DRGX: variants seen among roughly 807,000 people sequenced by gnomAD.
DRGX encodes dorsal root ganglia homeobox protein.
A neutral mutation model predicts 28.6 loss-of-function variants in DRGX; 21 were observed. That is an observed-to-expected ratio of 0.73 (90% CI 0.52 to 1.06). DRGX has a LOEUF of 1.06. Ranked by LOEUF, DRGX falls within the 50% of genes least tolerant of loss-of-function variation. DRGX has a pLI of 0.00. For synonymous variants in DRGX, 136 were observed against 139.1 expected (o/e 0.98, Z 0.16); for missense variants, 354 against 343.9 (o/e 1.03, Z -0.23).
intron 6 of DRGX, among the ~76,000 whole-genome samples, chr10:49,374,640 A>G (rs929919370): frequency 1.3e-5 from 2 of 152,228 alleles, no homozygotes; most frequent in Non-Finnish European, 2.9e-5. Flanking sequence ...ATATGACATC[A>G]TGCTTTAAAG....
intron 6 of DRGX, among the ~76,000 whole-genome samples, chr10:49,369,617 G>A (rs907317225): frequency 3.9e-5 from 6 of 152,132 alleles, no homozygotes; most frequent in African/African-American, 1.2e-4. Flanking sequence ...GGAATTGTTC[G>A]CCGGTCAGAG....
At position 49,386,540 on chromosome 10, in the gene DRGX, G is replaced by T; in HGVS notation, c.464C>A (p.Pro155Gln). 6.3e-7 allele frequency: 1 copy of T among 1,589,656 alleles called. No individual in the cohort carries two copies. Among genetic ancestry groups the T allele is most frequent in the Non-Finnish European group, 8.6e-7 (1 of 1,168,078 alleles). Residue 155 changes from proline (P) to glutamine (Q), a missense_variant, in exon 6 of 7, where the codon CCG (proline) becomes CAG (glutamine). Coordinates refer to ENST00000374139, the MANE Select transcript of DRGX (RefSeq NM_001276451.2). ...GGTGGCCGTGTTCAGGAGAGTCCCC[G>T]GCAAGCAGGAGGGGAAGAAAGGCCC... ...PAGPFFPSCL[P>Q]GTLLNTATYA...
intron 4 of DRGX, among the ~76,000 whole-genome samples, chr10:49,388,343 T>G (rs1181813902): frequency 1.3e-5 from 2 of 152,152 alleles, no homozygotes; most frequent in African/African-American, 2.4e-5. Flanking sequence ...CCCCAGGGCA[T>G]CCTCTCCTCC....
At chr10:49,392,328 G>C (rs1339374171) in intron 2 of DRGX, among the ~76,000 whole-genome samples, 2 of 152,194 alleles carry the variant, frequency 1.3e-5, no homozygotes, top group African/African-American at 4.8e-5. Flanking sequence ...TCTACTAGAG[G>C]AAGTTCCTTT....
At chr10:49,388,014 T>C (rs1358194295) in intron 4 of DRGX, among the ~76,000 whole-genome samples, 1 of 152,204 alleles carries the variant, frequency 6.6e-6, no homozygotes, top group Non-Finnish European at 1.5e-5. Context: ...CAGGGCCTGA[T>C]GCATAGCCAT....
intron 6 of DRGX, among the ~76,000 whole-genome samples, chr10:49,374,769 G>A (rs1849699613): frequency 6.6e-6 from 1 of 152,114 alleles, no homozygotes; most frequent in South Asian, 2.1e-4. Flanking sequence ...GCTCTGTCTC[G>A]TCTCTGCCAA....
chr10:49,366,318 C>G lies in DRGX; in HGVS notation c.590G>C (p.Gly197Ala), dbSNP rs2132466934. The G allele has an allele frequency of 6.2e-7, 1 of 1,613,902 alleles. No individual in the cohort carries two copies. The highest frequency in any genetic ancestry group is 8.5e-7 in the Non-Finnish European group (1 of 1,179,838). ...PMGLSFLPTYGCQSNRTASVA... is the reference protein window; with the variant it reads ...PMGLSFLPTYACQSNRTASVA... ...GCTGGCCGTGCGGTTACTCTGGCAG[C>G]CATAGGTGGGAAGGAAGGAGAGTCC... Residue 197 changes from glycine to alanine, a missense_variant, in exon 7 of 7, where the codon GGC (glycine) becomes GCC (alanine). Physicochemically the swap from Gly to Ala is moderately conservative, Grantham distance 60. Transcript: ENST00000374139.
chr10:49,395,266 C>G, intron 2 of DRGX, 141 bp downstream of exon 2: 1 of 1,007,690 alleles, frequency 9.9e-7, no homozygotes, highest in Non-Finnish European at 1.5e-6. Context: ...AGGGAGGGGT[C>G]CAGGGAGGCC....
chr10:49,379,683 GGCC>G (rs760599542), intron 6 of DRGX, among the ~76,000 whole-genome samples: 4 of 152,196 alleles, frequency 2.6e-5, no homozygotes, highest in Non-Finnish European at 4.4e-5. Context: ...GGAAGGCCAT[GGCC>G]AGACCTCTGC....
chr10:49,366,151 T>G lies in DRGX; in HGVS notation c.757A>C (p.Thr253Pro). The G allele has an allele frequency of 6.2e-7, 1 of 1,609,172 alleles. No individual in the cohort carries two copies. Among genetic ancestry groups the G allele is most frequent in the Non-Finnish European group, 8.5e-7 (1 of 1,177,132 alleles). ...PDGSQEKTSP[T>P]KEQSEAEKSV ...TTCTCTGCCTCGCTCTGTTCCTTGG[T>G]GGGAGAGGTCTTTTCCTGGCTGCCA... Residue 253 changes from threonine (T) to proline (P), a missense_variant, in exon 7 of 7, where the codon ACC becomes CCC. By Grantham distance (38) the Thr-to-Pro change is conservative. Coordinates refer to ENST00000374139, the MANE Select transcript of DRGX (RefSeq NM_001276451.2).
Position 49,386,502 on chromosome 10 carries a change from A to T in DRGX, c.502T>A (p.Leu168Met). 6.3e-7 allele frequency: 1 copy of T among 1,582,782 alleles called. No individual in the cohort carries two copies. The highest frequency in any genetic ancestry group is 1.2e-5 in the South Asian group (1 of 86,362). The change falls in exon 6 of 7, where the codon TTG becomes ATG. Residue 168 changes from leucine (L) to methionine (M), a missense_variant. Physicochemically the swap from Leu to Met is conservative, Grantham distance 15. Coordinates refer to ENST00000374139, the MANE Select transcript of DRGX (RefSeq NM_001276451.2). ...LLNTATYAQA[L>M]SHVASLKGGP... ...CCTTTGAGGGAAGCCACATGGGACA[A>T]GGCCTGGGCGTAGGTGGCCGTGTTC... is the stretch of plus-strand genomic sequence containing the variant.
chr10:49,371,208 ACAAACAACTT>A (rs1265364499), intron 6 of DRGX, among the ~76,000 whole-genome samples: 1 of 152,214 alleles, frequency 6.6e-6, no homozygotes, highest in Non-Finnish European at 1.5e-5. Flanking sequence ...TGCCGCCTGC[ACAAACAACTT>A]CATGGACCCT....
rs377612688 is a variant in DRGX at position 49,386,512 on chromosome 10, G to A, written c.492C>T (p.Tyr164=). 568 of 1,585,892 alleles carry A rather than the reference G, an allele frequency of 3.6e-4. No homozygotes were observed. Among genetic ancestry groups the A allele is most frequent in the Admixed American group, 4.8e-4 (27 of 55,834 alleles). ...AAGCCACATGGGACAAGGCCTGGGCGTAGGTGGCCGTGTTCAGGAGAGTCC... is the reference window on the plus strand; with the variant it reads ...AAGCCACATGGGACAAGGCCTGGGCATAGGTGGCCGTGTTCAGGAGAGTCC... ...LPGTLLNTAT[Y]AQALSHVASL... The change falls in exon 6 of 7, where the codon TAC becomes TAT. Residue 164 remains tyrosine, a synonymous_variant. Transcript: ENST00000374139.
intron 6 of DRGX, among the ~76,000 whole-genome samples, chr10:49,377,704 C>T (rs1315420626): frequency 6.6e-6 from 1 of 152,218 alleles, no homozygotes; most frequent in Non-Finnish European, 1.5e-5. Flanking sequence ...TAAGTAATGC[C>T]ATCTTGTATA....
chr10:49,376,559 A>T (rs1021623521), intron 6 of DRGX, among the ~76,000 whole-genome samples: 5 of 152,196 alleles, frequency 3.3e-5, no homozygotes, highest in African/African-American at 1.2e-4. Flanking sequence ...CCCTAATCAG[A>T]TCCCAAGTGA....
chr10:49,395,030 A>C (rs1411626569), intron 2 of DRGX, among the ~76,000 whole-genome samples: 1 of 152,110 alleles, frequency 6.6e-6, no homozygotes, highest in Non-Finnish European at 1.5e-5. Flanking sequence ...CGGCGGGTCC[A>C]CTCGCCTTTG....
intron 6 of DRGX, among the ~76,000 whole-genome samples, chr10:49,381,912 G>T (rs1849780947): frequency 6.6e-6 from 1 of 152,214 alleles, no homozygotes; most frequent in African/African-American, 2.4e-5. Flanking sequence ...ACTGATTTGG[G>T]TCTGGGAGCT....
chr10:49,371,305 G>A (rs1849656788), intron 6 of DRGX, among the ~76,000 whole-genome samples: 1 of 152,126 alleles, frequency 6.6e-6, no homozygotes, highest in African/African-American at 2.4e-5. Context: ...TTAGTAAATA[G>A]CTACTGAGTA....
intron 6 of DRGX, among the ~76,000 whole-genome samples, chr10:49,379,992 T>C (rs1201902980): frequency 6.6e-6 from 1 of 152,212 alleles, no homozygotes; most frequent in African/African-American, 2.4e-5. Flanking sequence ...AGGAGTCAGA[T>C]CTTACTCCAT....
Sources: allele counts gnomAD v4.1 joint callset (sites outside exome capture counted in the v4.1 genomes callset), GRCh38; gene constraint gnomAD v4.1.1; transcripts MANE v1.5; gene names NCBI Gene and HGNC (gene_info 2026-07-23, HGNC 2026-07-21).